The following UBAP2 variants were observed in gnomAD, a reference collection of about 807,000 sequenced individuals.
UBAP2 encodes the protein ubiquitin-associated protein 2.
A neutral mutation model predicts 139.6 loss-of-function variants in UBAP2; 75 were observed. The ratio of observed to expected loss-of-function variants is 0.54; its 90% CI spans 0.45 to 0.65. The LOEUF is 0.65. Ranked by LOEUF, UBAP2 falls within the 30% of genes least tolerant of loss-of-function variation. The probability of loss-of-function intolerance (pLI) is 0.00; values close to 1 mark genes in which losing one functional copy is unlikely to be tolerated. For missense variants in UBAP2, 1,368 were observed against 1,369.6 expected (o/e 1.00, Z 0.02); for synonymous variants, 526 against 526.2 (o/e 1.00, Z 0.01).
rs1822175186 is a variant in UBAP2 at position 33,996,092 on chromosome 9, CTG to C, written c.288+129_288+130del. 5 of 641,598 alleles carry C rather than the reference CTG, an allele frequency of 7.8e-6. No homozygotes were observed. The Admixed American group carries it at 1.5e-4, about 19-fold the overall frequency. 39.7% of individuals were successfully genotyped at this position (641,598 alleles called of 1,614,324 possible). A position where few individuals can be genotyped will look rare whatever the true frequency, so the allele number is the denominator to read the frequency against. Reference sequence around the variant, plus strand: ...CAGTCTTTTCAGGTAATCGTTCTTTCTGGAACTTAAAACAAATATGGAATGGC... The same window carrying C: ...CAGTCTTTTCAGGTAATCGTTCTTTCGAACTTAAAACAAATATGGAATGGC... On this transcript the variant is annotated intron_variant, in intron 4 of 28. Coordinates refer to ENST00000379238, the MANE Select transcript of UBAP2 (RefSeq NM_001370062.2).
chr9:33,980,776 C>T (rs190943105), intron 6 of UBAP2, among the ~76,000 whole-genome samples: 70 of 151,378 alleles, frequency 4.6e-4, no homozygotes, highest in Non-Finnish European at 8.6e-4. Flanking sequence ...GGCAACATGG[C>T]AAAACCCTCT....
chr9:33,940,740 C>T (rs539864669), intron 16 of UBAP2, among the ~76,000 whole-genome samples: 1 of 152,328 alleles, frequency 6.6e-6, no homozygotes, highest in African/African-American at 2.4e-5. Context: ...GATCGCGCCA[C>T]TGGACTCTAA....
rs984653575 is a variant in UBAP2, at chr9:33,923,616, G to T, written c.2797-138C>A. 1.1e-5 allele frequency: 12 copies of T among 1,056,574 alleles called. No individual in the cohort carries two copies. In the South Asian group the frequency reaches 1.6e-4, roughly 14 times the overall value. 65.4% of individuals were successfully genotyped at this position (1,056,574 alleles called of 1,614,324 possible). A position where few individuals can be genotyped will look rare whatever the true frequency, so the allele number is the denominator to read the frequency against. On this transcript the variant is annotated intron_variant, in intron 24 of 28. Coordinates refer to ENST00000379238, the MANE Select transcript of UBAP2 (RefSeq NM_001370062.2). ...CTGTGTTTTCATTAGTGCAACACAT[G>T]CTGGATCTAAACACAGCAGGGGAAA... is the stretch of plus-strand genomic sequence containing the variant.
chr9:33,975,165 C>T (rs1828211804), intron 6 of UBAP2, among the ~76,000 whole-genome samples: 1 of 152,124 alleles, frequency 6.6e-6, no homozygotes, highest in African/African-American at 2.4e-5. Flanking sequence ...GGCGTGGTGG[C>T]TCACGCCTGT....
chr9:34,030,750 C>T (rs1369667518), intron 1 of UBAP2, among the ~76,000 whole-genome samples: 1 of 151,932 alleles, frequency 6.6e-6, no homozygotes, highest in African/African-American at 2.4e-5. Context: ...CATGGTGAAA[C>T]CCCGTCTCTA....
At chr9:33,933,281 A>G (rs1053472553) in intron 18 of UBAP2, among the ~76,000 whole-genome samples, 1 of 152,192 alleles carries the variant, frequency 6.6e-6, no homozygotes, top group Non-Finnish European at 1.5e-5. Flanking sequence ...GCTCTGTGCC[A>G]GCAGAGGCGG....
At chr9:33,976,456 C>A (rs991478001) in intron 6 of UBAP2, among the ~76,000 whole-genome samples, 2 of 152,152 alleles carry the variant, frequency 1.3e-5, no homozygotes, top group African/African-American at 2.4e-5. Flanking sequence ...TATACAATTC[C>A]ATTTACAGGA....
intron 2 of UBAP2, among the ~76,000 whole-genome samples, chr9:34,012,672 C>G (rs772486070): frequency 4.6e-5 from 7 of 151,988 alleles, no homozygotes; most frequent in Non-Finnish European, 7.4e-5. Context: ...GAAGAAGAAC[C>G]TTATTCACAA....
intron 3 of UBAP2, chr9:33,998,102 A>G (rs1200115446): frequency 6.6e-6 from 1 of 152,234 alleles, no homozygotes; most frequent in African/African-American, 2.4e-5. Context: ...AGAGTATGAA[A>G]TCACAACCAT....
Position 33,922,822 on chromosome 9 carries a change from CG to C in UBAP2, c.3128del (p.Ser1043TrpfsTer168). The part of the protein sequence containing the change: ...AGTPPPFSLP[S>X]VLGSTGPLAS... Reference sequence around the variant, plus strand: ...CCAGGGGCCCAGTGGAGCCCAAGACCGAGGGCAGGCTGAAAGGTGGAGGCGT... The same window carrying C: ...CCAGGGGCCCAGTGGAGCCCAAGACCAGGGCAGGCTGAAAGGTGGAGGCGT... On this transcript the variant is annotated frameshift_variant, in exon 28 of 29. Coordinates refer to ENST00000379238, the MANE Select transcript of UBAP2 (RefSeq NM_001370062.2). LOFTEE classifies it high-confidence loss of function. The C allele has an allele frequency of 6.4e-7, 1 of 1,573,506 alleles. No homozygotes were observed. The highest frequency in any genetic ancestry group is 8.6e-7 in the Non-Finnish European group (1 of 1,158,248).
intron 9 of UBAP2, among the ~76,000 whole-genome samples, chr9:33,962,645 AAAATAAATAAATAAATAAAT>A (rs57313855): frequency 7.2e-6 from 1 of 139,216 alleles, no homozygotes; most frequent in Non-Finnish European, 1.5e-5. Context: ...CTCTATCTCA[AAAATAAATAAATAAATAAAT>A]AAATAAATAA....
chr9:33,948,799 TAAG>T (rs1825855700), intron 12 of UBAP2: 1 of 475,662 alleles, frequency 2.1e-6, no homozygotes, highest in African/African-American at 1.9e-5. Context: ...CATTCTGACA[TAAG>T]AAGTTAAAGG....
chr9:33,943,691 T>C, intron 14 of UBAP2, 102 bp from the exon 15 acceptor site: 2 of 1,069,308 alleles, frequency 1.9e-6, no homozygotes, highest in Non-Finnish European at 2.7e-6. Flanking sequence ...CAGGCAATAC[T>C]GGCAAGAAGA....
At chr9:33,960,690 G>T in intron 10 of UBAP2, 136 bp downstream of exon 10, 2 of 752,208 alleles carry the variant, frequency 2.7e-6, no homozygotes, top group Admixed American at 2.6e-5. Flanking sequence ...TGAGGCAGAA[G>T]AACTGCTTGA....
In UBAP2 at chr9:33,944,797, C is replaced by T. The variant is rs566752783; in HGVS notation, c.1271-158G>A. Among the ~76,000 whole-genome samples the T allele has an allele frequency of 9.2e-5, 14 of 152,164 alleles. No homozygotes were observed. In the South Asian group the frequency reaches 2.5e-3, roughly 27 times the overall value. ...TGTGTAACACTTCATTTATGATAAA[C>T]GGGAAAAGTTCCTAAATGGGTACAC... On this transcript the variant is annotated intron_variant, in intron 13 of 28. Transcript: ENST00000379238.
intron 13 of UBAP2, among the ~76,000 whole-genome samples, chr9:33,945,636 T>G (rs938517267): frequency 2.0e-5 from 3 of 152,224 alleles, no homozygotes; most frequent in African/African-American, 7.2e-5. Context: ...CTTTCAGAGA[T>G]ACTATATCAC....
At chr9:34,031,562 C>T (rs952431822) in intron 1 of UBAP2, among the ~76,000 whole-genome samples, 1 of 151,980 alleles carries the variant, frequency 6.6e-6, no homozygotes, top group African/African-American at 2.4e-5. Flanking sequence ...CCGCCTCGGC[C>T]TCCCAAAGTG....
rs117085691 is a variant in UBAP2 at position 34,024,712 on chromosome 9, G to A, written c.-41-7523C>T. Among the ~76,000 whole-genome samples, 312 of 152,210 alleles carry A rather than the reference G, an allele frequency of 2.0e-3. 3 individuals carry two copies. The East Asian group carries it at 0.027, about 13-fold the overall frequency. ...TAAAACTTCTGATAAAGCCAGGCGC[G>A]GTGGCTAATGCCTGTCATCTCAGCA... On this transcript the variant is annotated intron_variant, in intron 1 of 28. Transcript: ENST00000379238.
intron 1 of UBAP2, among the ~76,000 whole-genome samples, chr9:34,045,204 G>A (rs1037083105): frequency 1.4e-4 from 21 of 150,644 alleles, no homozygotes; most frequent in African/African-American, 5.1e-4. Context: ...AAATTAGCCG[G>A]GCGTGGCGGC....
Sources: gnomAD v4.1 joint callset for allele counts (sites outside exome capture counted in the v4.1 genomes callset) on GRCh38, gnomAD v4.1.1 for gene constraint, MANE v1.5 for transcripts, NCBI Gene and HGNC (gene_info 2026-07-23, HGNC 2026-07-21) for gene names.